The following AGPS variants were observed in gnomAD, a reference collection of about 807,000 sequenced individuals.
AGPS encodes alkyldihydroxyacetonephosphate synthase, peroxisomal.
AGPS carries 26 observed loss-of-function variants against 90.7 expected under a neutral mutation model. That is an observed-to-expected ratio of 0.29 (90% CI 0.21 to 0.40). The LOEUF is 0.40. Among genes scored for constraint, AGPS ranks in the 10% least tolerant of loss-of-function variants. The probability of loss-of-function intolerance (pLI) is 1.00; values close to 1 mark genes in which losing one functional copy is unlikely to be tolerated. For missense variants in AGPS, 540 were observed against 816.1 expected, an observed-to-expected ratio of 0.66 and a Z score of 4.12; for synonymous variants, 294 against 285.3, an observed-to-expected ratio of 1.03 and a Z score of -0.31.
intron 10 of AGPS, among the ~76,000 whole-genome samples, chr2:177,469,502 G>T (rs556669590): frequency 6.6e-6 from 1 of 152,214 alleles, no homozygotes; most frequent in East Asian, 1.9e-4. Flanking sequence ...GGTAACCAAT[G>T]ACAGACCTTT....
At chr2:177,505,610 TA>T in intron 15 of AGPS, 35 bp downstream of exon 15, 2 of 1,564,240 alleles carry the variant, frequency 1.3e-6, no homozygotes, top group Non-Finnish European at 1.8e-6. Context: ...CCACTTAATT[TA>T]TGTTGCAAAC....
intron 5 of AGPS, 45 bp from the exon 6 acceptor site, chr2:177,440,920 T>G (rs1686584141): frequency 6.5e-7 from 1 of 1,529,130 alleles, no homozygotes; most frequent in African/African-American, 1.4e-5. Flanking sequence ...TTATCAGATT[T>G]TATTTATGCC....
At chr2:177,454,422 C>T (rs1455694250) in intron 8 of AGPS, among the ~76,000 whole-genome samples, 1 of 151,832 alleles carries the variant, frequency 6.6e-6, no homozygotes, top group Non-Finnish European at 1.5e-5. Context: ...TTGCATGTCT[C>T]TACTTTTTGA....
chr2:177,535,821 G>A (rs1410242741), intron 19 of AGPS, among the ~76,000 whole-genome samples: 4 of 151,916 alleles, frequency 2.6e-5, no homozygotes, highest in African/African-American at 9.7e-5. Context: ...CAGAAGAAGT[G>A]CCAGACCTCT....
chr2:177,426,367 A>C (rs772117801), intron 2 of AGPS, among the ~76,000 whole-genome samples: 2 of 152,100 alleles, frequency 1.3e-5, no homozygotes, highest in Non-Finnish European at 2.9e-5. Flanking sequence ...CTCTCTTCCT[A>C]TTTGAATTTT....
intron 2 of AGPS, among the ~76,000 whole-genome samples, chr2:177,425,391 C>T (rs201052336): frequency 4.6e-5 from 7 of 151,926 alleles, no homozygotes; most frequent in African/African-American, 7.3e-5. Context: ...GAGGCTGAGG[C>T]GGGTGGATCA....
chr2:177,509,286 C>A (rs759525261), intron 16 of AGPS, among the ~76,000 whole-genome samples: 1 of 152,050 alleles, frequency 6.6e-6, no homozygotes, highest in Admixed American at 6.6e-5. Context: ...AAATGTTATT[C>A]ACAAATTTTG....
chr2:177,497,813 G>A, intron 13 of AGPS, 48 bp downstream of exon 13: 1 of 1,062,528 alleles, frequency 9.4e-7, no homozygotes, highest in Non-Finnish European at 1.4e-6. Context: ...TAAGATATCT[G>A]TTTTCTGCTT....
At chr2:177,529,656 A>G (rs972648878) in intron 19 of AGPS, among the ~76,000 whole-genome samples, 1 of 152,164 alleles carries the variant, frequency 6.6e-6, no homozygotes, top group Admixed American at 6.5e-5. Flanking sequence ...AAGTAGGGTA[A>G]AATAATGTGC....
chr2:177,462,740 A>G (rs1687337047), intron 9 of AGPS, among the ~76,000 whole-genome samples: 1 of 152,236 alleles, frequency 6.6e-6, no homozygotes. Flanking sequence ...TAGTATTTAC[A>G]TTGTATTATT....
chr2:177,433,235 A>G (rs1686293805), intron 2 of AGPS, among the ~76,000 whole-genome samples: 1 of 152,242 alleles, frequency 6.6e-6, no homozygotes, highest in South Asian at 2.1e-4. Flanking sequence ...AAAGACTTGA[A>G]CTGGCTTTCA....
chr2:177,444,420 C>CAAAAAAAAA (rs10618529), intron 7 of AGPS, among the ~76,000 whole-genome samples: 2 of 90,974 alleles, frequency 2.2e-5, no homozygotes, highest in African/African-American at 7.2e-5. Context: ...GACTCTGTCT[C>CAAAAAAAAA]AAAAAAAAAA....
intron 18 of AGPS, among the ~76,000 whole-genome samples, chr2:177,521,942 G>A (rs938320364): frequency 6.6e-6 from 1 of 152,092 alleles, no homozygotes; most frequent in Non-Finnish European, 1.5e-5. Context: ...GATCCTGTAG[G>A]AAGCTGAGGT....
At chr2:177,406,727 T>C (rs749626817) in intron 1 of AGPS, among the ~76,000 whole-genome samples, 2 of 152,250 alleles carry the variant, frequency 1.3e-5, no homozygotes, top group Non-Finnish European at 2.9e-5. Context: ...TTGATTCTAT[T>C]GTTCTCTATT....
At position 177,543,382 on chromosome 2, in the gene AGPS, C is replaced by A. The variant is rs1487650954; in HGVS notation, c.*5187C>A. 2 of 152,126 alleles carry A rather than the reference C, an allele frequency of 1.3e-5. No individual in the cohort carries two copies. The highest frequency in any genetic ancestry group is 4.8e-5 in the African/African-American group (2 of 41,432). The allele number at this position is 152,126 out of a possible 1,614,324, so 9.4% of individuals were successfully genotyped here. A position where few individuals can be genotyped will look rare whatever the true frequency, so the allele number is the denominator to read the frequency against. On this transcript the variant is annotated 3_prime_UTR_variant, in exon 20 of 20. Coordinates refer to ENST00000264167, the MANE Select transcript of AGPS (RefSeq NM_003659.4). ...GAAATATATGTAGGTTATATTAATT[C>A]TTGTCCATTTTTGCTAAGCCTGTGA... is the stretch of plus-strand genomic sequence containing the variant.
intron 10 of AGPS, among the ~76,000 whole-genome samples, chr2:177,470,808 A>G (rs1456758812): frequency 6.6e-6 from 1 of 152,152 alleles, no homozygotes; most frequent in East Asian, 1.9e-4. Context: ...CATGCAACAT[A>G]GCATACTGAT....
intron 8 of AGPS, among the ~76,000 whole-genome samples, chr2:177,450,651 A>G (rs1229814751): frequency 6.6e-6 from 1 of 152,128 alleles, no homozygotes; most frequent in African/African-American, 2.4e-5. Context: ...CTCTGTGCTA[A>G]TACTATACTG....
chr2:177,444,878 A>C (rs1686723749), intron 7 of AGPS, among the ~76,000 whole-genome samples: 1 of 152,212 alleles, frequency 6.6e-6, no homozygotes, highest in South Asian at 2.1e-4. Context: ...ATGCCAAATA[A>C]CATTTTTTAT....
rs759837597 is a variant in AGPS at position 177,499,644 on chromosome 2, A to G, written c.1389A>G (p.Leu463=). 3 of 1,611,228 alleles carry G rather than the reference A, an allele frequency of 1.9e-6. No individual in the cohort carries two copies. Among genetic ancestry groups the G allele is most frequent in the Non-Finnish European group, 1.7e-6 (2 of 1,178,360 alleles). The part of the protein sequence containing the change: ...TKFKGFDPNQ[L]SVATLLFEGD... ...TTAAAGGATTTGACCCAAATCAGCT[A>G]AGTGTAGCCACATTACTGTTTGAGG... is the stretch of plus-strand genomic sequence containing the variant. The change falls in exon 14 of 20, where the codon CTA becomes CTG. Residue 463 remains leucine, a synonymous_variant. Transcript: ENST00000264167.
Sources: gnomAD v4.1 joint callset for allele counts (sites outside exome capture counted in the v4.1 genomes callset) on GRCh38, gnomAD v4.1.1 for gene constraint, MANE v1.5 for transcripts, NCBI Gene and HGNC (gene_info 2026-07-23, HGNC 2026-07-21) for gene names.